MACROD2: variants seen among roughly 807,000 people sequenced by gnomAD.
MACROD2 encodes mono-ADP ribosylhydrolase 2.
Under a neutral mutation model 70.4 loss-of-function variants are expected in MACROD2, and 36 were observed. The ratio of observed to expected loss-of-function variants is 0.51; its 90% CI spans 0.39 to 0.68. MACROD2 has a LOEUF of 0.68. MACROD2 is among the 30% of genes least tolerant of loss of function. The pLI is 0.00. For synonymous variants in MACROD2, 172 were observed against 178.8 expected (o/e 0.96, Z 0.30); for missense variants, 496 against 538.4 (o/e 0.92, Z 0.78).
intron 15 of MACROD2, among the ~76,000 whole-genome samples, chr20:16,026,262 G>A (rs2067079281): frequency 6.6e-6 from 1 of 152,318 alleles, no homozygotes; most frequent in East Asian, 1.9e-4. Context: ...CCATGCTACA[G>A]GGCTCTGCAG....
intron 5 of MACROD2, among the ~76,000 whole-genome samples, chr20:14,751,869 A>G (rs1220187781): frequency 6.6e-6 from 1 of 152,126 alleles, no homozygotes; most frequent in Admixed American, 6.5e-5. Flanking sequence ...GAGGGGAAGA[A>G]CTGGGGCCAA....
chr20:15,502,968 G>C (rs551374516), intron 8 of MACROD2, among the ~76,000 whole-genome samples: 7 of 152,254 alleles, frequency 4.6e-5, no homozygotes, highest in Admixed American at 4.6e-4. Context: ...TTCTACAAAG[G>C]AATGATGTAT....
At chr20:15,378,214 G>A (rs1282779084) in intron 6 of MACROD2, among the ~76,000 whole-genome samples, 1 of 147,008 alleles carries the variant, frequency 6.8e-6, no homozygotes, top group Non-Finnish European at 1.5e-5. Context: ...GGGCCAGGGG[G>A]ATTCGTTTTC....
chr20:15,378,533 T>C (rs929504550), intron 6 of MACROD2, among the ~76,000 whole-genome samples: 5 of 152,202 alleles, frequency 3.3e-5, no homozygotes, highest in Non-Finnish European at 7.3e-5. Context: ...TGTTATGCAT[T>C]TATTTGTGCT....
intron 5 of MACROD2, among the ~76,000 whole-genome samples, chr20:15,219,131 A>G (rs1175903852): frequency 6.6e-6 from 1 of 152,352 alleles, no homozygotes; most frequent in African/African-American, 2.4e-5. Context: ...GATTCTCCCT[A>G]TGGAGTCGAA....
intron 12 of MACROD2, among the ~76,000 whole-genome samples, chr20:15,947,632 A>T (rs2065843017): frequency 6.6e-6 from 1 of 152,038 alleles, no homozygotes. Context: ...AGACACAGTA[A>T]CAGTCTGATC....
intron 8 of MACROD2, among the ~76,000 whole-genome samples, chr20:15,516,012 C>CTA (rs2047562064): frequency 1.3e-5 from 2 of 152,340 alleles, no homozygotes; most frequent in Admixed American, 1.3e-4. Context: ...ATCTGTTGAT[C>CTA]TATAGCTGAT....
At chr20:14,441,176 C>A (rs1450096709) in intron 3 of MACROD2, among the ~76,000 whole-genome samples, 1 of 152,074 alleles carries the variant, frequency 6.6e-6, no homozygotes, top group Non-Finnish European at 1.5e-5. Flanking sequence ...AATGCTAGAC[C>A]TTAAGAGACC....
chr20:15,934,033 T>C (rs1286091890), intron 11 of MACROD2, among the ~76,000 whole-genome samples: 1 of 152,210 alleles, frequency 6.6e-6, no homozygotes, highest in Non-Finnish European at 1.5e-5. Context: ...TCCATTTTTG[T>C]ACTCAGTCAT....
chr20:15,457,296 A>G (rs565148375), intron 7 of MACROD2, among the ~76,000 whole-genome samples: 1 of 152,098 alleles, frequency 6.6e-6, no homozygotes, highest in Admixed American at 6.6e-5. Context: ...AGGAGCTAAA[A>G]TGGTATAATG....
chr20:14,837,693 C>T (rs114699995), intron 5 of MACROD2, among the ~76,000 whole-genome samples: 1 of 152,042 alleles, frequency 6.6e-6, no homozygotes, highest in African/African-American at 2.4e-5. Flanking sequence ...CAATCTTTAC[C>T]AACTAACTAG....
intron 5 of MACROD2, among the ~76,000 whole-genome samples, chr20:14,880,096 T>C (rs900365400): frequency 6.6e-6 from 1 of 152,028 alleles, no homozygotes; most frequent in East Asian, 1.9e-4. Flanking sequence ...TCTCAGCAAA[T>C]TGTATCATGC....
At chr20:14,337,654 A>G (rs560541959) in intron 3 of MACROD2, 1 of 398,256 alleles carries the variant, frequency 2.5e-6, no homozygotes, top group African/African-American at 2.1e-5. Context: ...TTCACCTCGC[A>G]GTGGCTGAAG....
chr20:14,858,135 A>G (rs2073276058), intron 5 of MACROD2, among the ~76,000 whole-genome samples: 1 of 152,090 alleles, frequency 6.6e-6, no homozygotes, highest in African/African-American at 2.4e-5. Flanking sequence ...AATGTTTTAT[A>G]TAATAGTCCC....
intron 17 of MACROD2, among the ~76,000 whole-genome samples, chr20:16,046,394 G>A (rs543197468): frequency 9.2e-5 from 14 of 151,800 alleles, no homozygotes; most frequent in South Asian, 6.2e-4. Context: ...GAAATGATAC[G>A]GTTGAGGAGT....
chr20:15,302,846 T>C (rs1041526186), intron 6 of MACROD2, among the ~76,000 whole-genome samples: 1 of 152,234 alleles, frequency 6.6e-6, no homozygotes, highest in Non-Finnish European at 1.5e-5. Context: ...CCTCAACTAC[T>C]ATAGAAATTG....
chr20:14,547,430 G>A, intron 4 of MACROD2: 1 of 217,916 alleles, frequency 4.6e-6, no homozygotes, highest in South Asian at 9.1e-5. Context: ...GTTGTATAAG[G>A]CTTATTCTTT....
intron 5 of MACROD2, among the ~76,000 whole-genome samples, chr20:15,187,209 G>T (rs2076540052): frequency 6.6e-6 from 1 of 152,102 alleles, no homozygotes. Flanking sequence ...CTGACTGTGT[G>T]ACTTTAGGCA....
intron 8 of MACROD2, among the ~76,000 whole-genome samples, chr20:15,646,177 A>G (rs2049538346): frequency 1.3e-5 from 2 of 152,242 alleles, no homozygotes; most frequent in Admixed American, 6.5e-5. Context: ...GGCAGTTCAA[A>G]GGTGAATTCA....
Sources: gnomAD v4.1 joint callset for allele counts (sites outside exome capture counted in the v4.1 genomes callset) on GRCh38, gnomAD v4.1.1 for gene constraint, MANE v1.5 for transcripts, NCBI Gene and HGNC (gene_info 2026-07-23, HGNC 2026-07-21) for gene names.